Variants in HECW1 observed in about 807,000 individuals in gnomAD.
HECW1 encodes the protein HECT, C2 and WW domain containing E3 ubiquitin protein ligase 1.
In HECW1, 61 loss-of-function variants were observed where a neutral mutation model predicts 182.3. The ratio of observed to expected loss-of-function variants is 0.33; its 90% CI spans 0.27 to 0.41. The LOEUF (loss-of-function observed/expected upper bound fraction) is 0.41, where lower values mean the gene tolerates loss of function less well. Among genes scored for constraint, HECW1 ranks in the 10% least tolerant of loss-of-function variants. The pLI is 1.00. For synonymous variants in HECW1, 859 were observed against 832.6 expected (o/e 1.03, Z -0.55); for missense variants, 1,739 against 2,108.9 (o/e 0.82, Z 3.44).
intron 1 of HECW1, 75 bp from the exon 2 acceptor site, chr7:43,114,082 A>G: frequency 2.3e-6 from 1 of 443,756 alleles, no homozygotes; most frequent in South Asian, 2.3e-5. Flanking sequence ...ACGTTGCTGT[A>G]GTTTTGTGCT....
At chr7:43,538,196 A>AC (rs2081246259) in intron 24 of HECW1, among the ~76,000 whole-genome samples, 1 of 152,156 alleles carries the variant, frequency 6.6e-6, no homozygotes, top group Non-Finnish European at 1.5e-5. Flanking sequence ...TGGTATGTAA[A>AC]CCACAGGAGG....
intron 2 of HECW1, among the ~76,000 whole-genome samples, chr7:43,128,256 G>A (rs1786503191): frequency 6.6e-6 from 1 of 152,196 alleles, no homozygotes; most frequent in South Asian, 2.1e-4. Flanking sequence ...TAGCTAGAGA[G>A]AAGTCAGTGC....
At chr7:43,144,138 T>C (rs1788454307) in intron 2 of HECW1, among the ~76,000 whole-genome samples, 1 of 152,208 alleles carries the variant, frequency 6.6e-6, no homozygotes, top group African/African-American at 2.4e-5. Flanking sequence ...TTGATGACCT[T>C]GACAGTTTTG....
chr7:43,298,042 C>T (rs1343582017), intron 3 of HECW1, among the ~76,000 whole-genome samples: 1 of 152,100 alleles, frequency 6.6e-6, no homozygotes. Flanking sequence ...CACTGAACTC[C>T]AGCCAGGGTG....
At chr7:43,198,080 ACAC>A (rs1794638757) in intron 2 of HECW1, among the ~76,000 whole-genome samples, 1 of 149,204 alleles carries the variant, frequency 6.7e-6, no homozygotes, top group Non-Finnish European at 1.5e-5. Flanking sequence ...ACTCTCTTAC[ACAC>A]CACACACTCA....
chr7:43,332,162 T>C (rs1280007879), intron 5 of HECW1, among the ~76,000 whole-genome samples: 3 of 152,208 alleles, frequency 2.0e-5, no homozygotes, highest in Admixed American at 6.5e-5. Flanking sequence ...GATTTTCATC[T>C]ACACAGATGT....
intron 3 of HECW1, among the ~76,000 whole-genome samples, chr7:43,308,273 T>C (rs1193455907): frequency 3.3e-5 from 4 of 120,950 alleles, no homozygotes; most frequent in Admixed American, 1.1e-4. Context: ...TATATTTATA[T>C]ATTATATGAT....
intron 2 of HECW1, among the ~76,000 whole-genome samples, chr7:43,229,378 AAAAC>A (rs1562704738): frequency 6.6e-6 from 1 of 152,212 alleles, no homozygotes; most frequent in Non-Finnish European, 1.5e-5. Flanking sequence ...GGAACAGAAA[AAAAC>A]CAAAGACAGC....
chr7:43,504,404 G>A (rs1050224277), intron 21 of HECW1, among the ~76,000 whole-genome samples: 3 of 152,148 alleles, frequency 2.0e-5, no homozygotes, highest in South Asian at 2.1e-4. Flanking sequence ...TCTGGTTCAC[G>A]GACTTTTCTC....
intron 5 of HECW1, among the ~76,000 whole-genome samples, chr7:43,330,468 TA>T (rs1378962458): frequency 3.3e-5 from 5 of 152,220 alleles, no homozygotes; most frequent in African/African-American, 1.2e-4. Flanking sequence ...TGAGAGATAA[TA>T]AGAGGGTGCT....
chr7:43,278,864 C>T (rs1424715373), intron 3 of HECW1, among the ~76,000 whole-genome samples: 1 of 152,190 alleles, frequency 6.6e-6, no homozygotes, highest in Non-Finnish European at 1.5e-5. Flanking sequence ...TCCACACCCT[C>T]ATCCCTTTCT....
rs541036847 is a variant in HECW1, at chr7:43,274,837, G to A, written c.27+30905G>A. On this transcript the variant is annotated intron_variant, in intron 3 of 29. Coordinates refer to ENST00000395891, the MANE Select transcript of HECW1 (RefSeq NM_015052.5). Reference sequence around the variant, plus strand: ...ACTTTAAAAAGACTGTGAAATCAATGAGAAGATATTTACTCATGCTAGAAA... The same window carrying A: ...ACTTTAAAAAGACTGTGAAATCAATAAGAAGATATTTACTCATGCTAGAAA... Among the ~76,000 whole-genome samples the A allele has an allele frequency of 7.2e-5, 11 of 152,292 alleles. No individual in the cohort carries two copies. The East Asian group carries it at 7.7e-4, about 11-fold the overall frequency.
chr7:43,443,215 A>G (rs1156793251), intron 10 of HECW1, among the ~76,000 whole-genome samples: 3 of 152,180 alleles, frequency 2.0e-5, no homozygotes, highest in Admixed American at 1.3e-4. Flanking sequence ...CAGCCCCCAT[A>G]CATCTCAATA....
intron 2 of HECW1, among the ~76,000 whole-genome samples, chr7:43,237,092 G>T: frequency 6.6e-6 from 1 of 151,184 alleles, no homozygotes; most frequent in Non-Finnish European, 1.5e-5. Context: ...GGAGGAAGCA[G>T]GGATGGGAGG....
At chr7:43,168,055 G>T (rs1791301266) in intron 2 of HECW1, among the ~76,000 whole-genome samples, 1 of 152,280 alleles carries the variant, frequency 6.6e-6, no homozygotes, top group African/African-American at 2.4e-5. Context: ...CGTGGTGTAC[G>T]CTTCCTTTCG....
At chr7:43,132,234 T>C (rs552859728) in intron 2 of HECW1, among the ~76,000 whole-genome samples, 2 of 151,960 alleles carry the variant, frequency 1.3e-5, no homozygotes, top group African/African-American at 4.8e-5. Context: ...ATATTATAGA[T>C]GTTAACTATC....
chr7:43,376,297 A>G (rs1028529185), intron 6 of HECW1, among the ~76,000 whole-genome samples: 29 of 152,088 alleles, frequency 1.9e-4, no homozygotes, highest in Admixed American at 7.9e-4. Flanking sequence ...CTCACCACCC[A>G]ACGAGCCTCA....
Position 43,564,620 on chromosome 7 carries a change from G to A in HECW1, c.*2694G>A, listed in dbSNP as rs1172999888. 1 of 182,558 alleles carries A rather than the reference G, an allele frequency of 5.5e-6. No homozygotes were observed. The highest frequency in any genetic ancestry group is 2.4e-5 in the African/African-American group (1 of 42,548). The allele number at this position is 182,558 out of a possible 1,614,324, so 11.3% of individuals were successfully genotyped here. On this transcript the variant is annotated 3_prime_UTR_variant, in exon 30 of 30. Transcript: ENST00000395891. ...CTGATGTCACGGTCACCTGAAAGAAGATGAAGCTTGTAATATTTTATTGCA... is the reference window on the plus strand; with the variant it reads ...CTGATGTCACGGTCACCTGAAAGAAAATGAAGCTTGTAATATTTTATTGCA...
At chr7:43,157,249 GA>G in intron 2 of HECW1, among the ~76,000 whole-genome samples, 1 of 152,196 alleles carries the variant, frequency 6.6e-6, no homozygotes, top group South Asian at 2.1e-4. Context: ...TAATCTTTAG[GA>G]AACTCCAGAG....
Sources: allele counts gnomAD v4.1 joint callset (sites outside exome capture counted in the v4.1 genomes callset), GRCh38; gene constraint gnomAD v4.1.1; transcripts MANE v1.5; gene names NCBI Gene and HGNC (gene_info 2026-07-23, HGNC 2026-07-21).